Variants in VPS35L observed in about 807,000 individuals in gnomAD.
VPS35L encodes the protein VPS35 endosomal protein-sorting factor-like.
In VPS35L, 83 loss-of-function variants were observed where a neutral mutation model predicts 133.0. The observed-to-expected ratio is 0.62, with a 90% CI of 0.52 to 0.75. The LOEUF (loss-of-function observed/expected upper bound fraction) is 0.75, where lower values mean the gene tolerates loss of function less well. Among genes scored for constraint, VPS35L ranks in the 30% least tolerant of loss-of-function variants. The probability of loss-of-function intolerance (pLI) is 0.00; values close to 1 mark genes in which losing one functional copy is unlikely to be tolerated. For missense variants in VPS35L, 1,083 were observed against 1,206.8 expected (o/e 0.90, Z 1.52); for synonymous variants, 423 against 449.9 (o/e 0.94, Z 0.76).
At chr16:19,618,918 T>C (rs1972984848) in intron 14 of VPS35L, among the ~76,000 whole-genome samples, 1 of 150,300 alleles carries the variant, frequency 6.7e-6, no homozygotes, top group Admixed American at 6.6e-5. Flanking sequence ...TCTTTGCCTA[T>C]CTGTTTTTTT....
intron 29 of VPS35L, among the ~76,000 whole-genome samples, chr16:19,695,221 C>A (rs563409093): frequency 6.6e-6 from 1 of 152,260 alleles, no homozygotes; most frequent in South Asian, 2.1e-4. Context: ...ACATGTGGTT[C>A]AAAATTACGT....
Position 19,591,770 on chromosome 16 carries a change from C to T in VPS35L, c.640-20C>T. 6.3e-7 allele frequency: 1 copy of T among 1,585,398 alleles called. No individual in the cohort carries two copies. Among genetic ancestry groups the T allele is most frequent in the African/African-American group, 1.3e-5 (1 of 74,278 alleles). On this transcript the variant is annotated intron_variant, in intron 7 of 30. Coordinates refer to ENST00000417362, the MANE Select transcript of VPS35L (RefSeq NM_020314.7). The stretch of plus-strand genomic sequence containing the variant: ...CCAGACATGCCAGAGTGAATTTTCT[C>T]TTTTTTTCTCTTTTTTTAGTGTTCA...
At chr16:19,597,372 GAA>G (rs5816061) in intron 8 of VPS35L, among the ~76,000 whole-genome samples, 14 of 135,560 alleles carry the variant, frequency 1.0e-4, no homozygotes, top group South Asian at 2.4e-4. Flanking sequence ...TCAAAAAGAA[GAA>G]AAAAAAAAAA....
intron 1 of VPS35L, 118 bp downstream of exon 1, chr16:19,555,864 CCCCA>C: frequency 2.1e-6 from 3 of 1,396,520 alleles, no homozygotes; most frequent in Non-Finnish European, 2.9e-6. Flanking sequence ...GACCGGCCAC[CCCCA>C]AGTTGTCTTG....
chr16:19,606,118 A>G (rs926351572), intron 9 of VPS35L, among the ~76,000 whole-genome samples: 2 of 152,234 alleles, frequency 1.3e-5, no homozygotes, highest in Admixed American at 6.5e-5. Flanking sequence ...CTTGTAGTCA[A>G]TGCGTGTATG....
At chr16:19,599,599 C>G (rs751131878) in intron 8 of VPS35L, among the ~76,000 whole-genome samples, 2 of 151,418 alleles carry the variant, frequency 1.3e-5, no homozygotes, top group Non-Finnish European at 2.9e-5. Flanking sequence ...TGCAGCGGCA[C>G]AATCATAGCT....
chr16:19,583,853 CTT>C (rs1971783029), intron 7 of VPS35L, among the ~76,000 whole-genome samples: 1 of 152,092 alleles, frequency 6.6e-6, no homozygotes, highest in Admixed American at 6.6e-5. Flanking sequence ...TAACCAACCT[CTT>C]TGTTCTCCCC....
In VPS35L at chr16:19,639,895, C is replaced by T. The variant is rs367719664; in HGVS notation, c.1699-120C>T. On this transcript the variant is annotated intron_variant, in intron 20 of 30. Coordinates refer to ENST00000417362, the MANE Select transcript of VPS35L (RefSeq NM_020314.7). The surrounding 1 kb of genome is among the most constrained non-coding windows in gnomAD (Gnocchi z 4.1). The stretch of plus-strand genomic sequence containing the variant: ...ATTTCAGAGGAGTCCTCATCTGACC[C>T]GACTCAGAGAGATGAACCTCTGTTC... 10 of 812,840 alleles carry T rather than the reference C, an allele frequency of 1.2e-5. No individual in the cohort carries two copies. Among genetic ancestry groups the T allele is most frequent in the African/African-American group, 1.0e-4 (6 of 57,640 alleles). 50.4% of individuals were successfully genotyped at this position (812,840 alleles called of 1,614,324 possible).
At chr16:19,621,642 A>G (rs1472282270) in intron 14 of VPS35L, among the ~76,000 whole-genome samples, 4 of 152,260 alleles carry the variant, frequency 2.6e-5, no homozygotes, top group Non-Finnish European at 4.4e-5. Context: ...GCTGTTGTTC[A>G]TCGTGTTCTT....
At position 19,691,372 on chromosome 16, in the gene VPS35L, C is replaced by G. The variant is rs1392333305; in HGVS notation, c.2547C>G (p.Leu849=). The change falls in exon 29 of 31, where the codon CTC becomes CTG. Residue 849 remains leucine (L), a synonymous_variant. Transcript: ENST00000417362. The part of the protein sequence containing the change: ...HIDKVDSNDS[L]YGGDSKFLAE... Reference sequence around the variant, plus strand: ...CAACAGTGGACTCCAACGACAGCCTCTACGGGGGAGACTCCAAGTTCCTGG... The same window carrying G: ...CAACAGTGGACTCCAACGACAGCCTGTACGGGGGAGACTCCAAGTTCCTGG... The G allele has an allele frequency of 1.9e-6, 3 of 1,613,788 alleles. No homozygotes were observed. Among genetic ancestry groups the G allele is most frequent in the South Asian group, 2.2e-5 (2 of 91,082 alleles).
In VPS35L at chr16:19,565,995, C is replaced by T. The variant is rs537026127; in HGVS notation, c.117+1045C>T. 7.9e-5 allele frequency among the ~76,000 whole-genome samples: 12 copies of T among 152,206 alleles called. No individual in the cohort carries two copies. In the South Asian group the frequency reaches 1.7e-3, roughly 21 times the overall value. ...TTATTAGCAAGTAATAGAAACTACACGGTTGTCATGTTGGGGAGAAGAGAA... is the reference window on the plus strand; with the variant it reads ...TTATTAGCAAGTAATAGAAACTACATGGTTGTCATGTTGGGGAGAAGAGAA... On this transcript the variant is annotated intron_variant, in intron 2 of 30. Transcript: ENST00000417362.
intron 10 of VPS35L, 60 bp from the exon 11 acceptor site, chr16:19,608,914 T>G: frequency 6.6e-7 from 1 of 1,509,542 alleles, no homozygotes; most frequent in South Asian, 1.1e-5. Flanking sequence ...TAGTTTAGTC[T>G]TTTCTCCATA....
chr16:19,675,175 G>A (rs1008689666), intron 27 of VPS35L, among the ~76,000 whole-genome samples: 14 of 151,618 alleles, frequency 9.2e-5, no homozygotes, highest in Admixed American at 4.6e-4. Context: ...GGTCTTGAAC[G>A]CCAAGGCTCA....
At chr16:19,650,216 G>A (rs1293224996) in intron 24 of VPS35L, among the ~76,000 whole-genome samples, 166 bp from the exon 25 acceptor site, 1 of 152,120 alleles carries the variant, frequency 6.6e-6, no homozygotes, top group East Asian at 1.9e-4. Flanking sequence ...ATTGGATCAG[G>A]CCTGATGACC....
Position 19,677,890 on chromosome 16 carries a change from C to T in VPS35L, c.2362-4335C>T, listed in dbSNP as rs531490870. On this transcript the variant is annotated intron_variant, in intron 27 of 30. Coordinates refer to ENST00000417362, the MANE Select transcript of VPS35L (RefSeq NM_020314.7). ...GGCTTTATGATTACTTAACCAACCT[C>T]ATAACCATGGACCAGCCAACATTTC... 7.9e-5 allele frequency among the ~76,000 whole-genome samples: 12 copies of T among 152,316 alleles called. No individual in the cohort carries two copies. The South Asian group carries it at 1.7e-3, about 21-fold the overall frequency.
At chr16:19,565,402 G>T (rs1362495746) in intron 2 of VPS35L, among the ~76,000 whole-genome samples, 2 of 152,016 alleles carry the variant, frequency 1.3e-5, no homozygotes, top group African/African-American at 4.8e-5. Context: ...GAGTGCAGTG[G>T]TGTGATCTTA....
chr16:19,607,035 T>C (rs1972557564), intron 9 of VPS35L, among the ~76,000 whole-genome samples: 1 of 152,220 alleles, frequency 6.6e-6, no homozygotes, highest in Non-Finnish European at 1.5e-5. Flanking sequence ...ATCATTTCCA[T>C]GTGAGAGGTT....
At chr16:19,618,632 G>A (rs74896992) in intron 14 of VPS35L, among the ~76,000 whole-genome samples, 1 of 152,156 alleles carries the variant, frequency 6.6e-6, no homozygotes, top group African/African-American at 2.4e-5. Context: ...TCTCAGCTCC[G>A]TTAACAGCTG....
At chr16:19,653,557 C>T (rs1974202354) in intron 26 of VPS35L, among the ~76,000 whole-genome samples, 1 of 152,218 alleles carries the variant, frequency 6.6e-6, no homozygotes, top group Non-Finnish European at 1.5e-5. Flanking sequence ...CTGTCTGGCT[C>T]AAGGCCATGC....
Sources: gnomAD v4.1 joint callset for allele counts (sites outside exome capture counted in the v4.1 genomes callset) on GRCh38, gnomAD v4.1.1 for gene constraint, Gnocchi (gnomAD v3.1) non-coding constraint, MANE v1.5 for transcripts, NCBI Gene and HGNC (gene_info 2026-07-23, HGNC 2026-07-21) for gene names.